POLQ: variants seen among roughly 807,000 people sequenced by gnomAD.
POLQ encodes epididymis secretory sperm binding protein.
In POLQ, 233 loss-of-function variants were observed where a neutral mutation model predicts 259.2. That is an observed-to-expected ratio of 0.90 (90% CI 0.81 to 1.00). The LOEUF is 1.00. Ranked by LOEUF, POLQ falls within the 50% of genes least tolerant of loss-of-function variation. POLQ has a pLI of 0.00. For missense variants in POLQ, 2,871 were observed against 3,051.6 expected (o/e 0.94, Z 1.39); for synonymous variants, 1,025 against 1,048.8 (o/e 0.98, Z 0.44).
chr3:121,532,665 C>A (rs1025933592), intron 6 of POLQ, among the ~76,000 whole-genome samples: 1 of 151,236 alleles, frequency 6.6e-6, no homozygotes, highest in African/African-American at 2.5e-5. Context: ...TCCCGAGTAG[C>A]TGGGATTACA....
intron 16 of POLQ, among the ~76,000 whole-genome samples, chr3:121,486,007 C>T (rs1031209433): frequency 1.6e-4 from 24 of 152,298 alleles, no homozygotes; most frequent in African/African-American, 5.3e-4. Flanking sequence ...GCAGAGCTCA[C>T]GCAATAAGAC....
At chr3:121,534,021 C>T (rs920096855) in intron 5 of POLQ, among the ~76,000 whole-genome samples, 5 of 149,610 alleles carry the variant, frequency 3.3e-5, no homozygotes, top group Non-Finnish European at 5.9e-5. Context: ...GGACTACAGG[C>T]GCCCACCACC....
At chr3:121,487,262 G>T in intron 16 of POLQ, 40 bp downstream of exon 16, 1 of 1,130,260 alleles carries the variant, frequency 8.8e-7, no homozygotes, top group Non-Finnish European at 1.2e-6. Context: ...CTACTAAGTA[G>T]TTTATAAATA....
chr3:121,449,008 C>T (rs1053644222), intron 26 of POLQ, among the ~76,000 whole-genome samples: 2 of 152,132 alleles, frequency 1.3e-5, no homozygotes, highest in Non-Finnish European at 2.9e-5. Context: ...CAATAGTTTA[C>T]TGTTTCAAAC....
At position 121,510,178 on chromosome 3, in the gene POLQ, C is replaced by A. The variant is rs1419454969; in HGVS notation, c.1677G>T (p.Leu559Phe). The A allele has an allele frequency of 1.9e-6, 3 of 1,613,870 alleles. No individual in the cohort carries two copies. Among genetic ancestry groups the A allele is most frequent in the Non-Finnish European group, 2.5e-6 (3 of 1,179,768 alleles). The change falls in exon 11 of 30, where the codon TTG becomes TTT. Residue 559 changes from leucine (L) to phenylalanine (F), a missense_variant. Physicochemically the swap from Leu to Phe is conservative, Grantham distance 22. Transcript: ENST00000264233. ...GCTTCCCTTCTTTCATACTTGCAGC[C>A]AAAAATGTGCAGGCAGCATAAGTAT... ...DMHTYAACTF[L>F]AASMKEGKQG... is the part of the protein sequence containing the mutation.
At chr3:121,532,810 G>A (rs2108818066) in intron 6 of POLQ, among the ~76,000 whole-genome samples, 180 bp downstream of exon 6, 1 of 152,308 alleles carries the variant, frequency 6.6e-6, no homozygotes, top group East Asian at 1.9e-4. Context: ...TGGGATTACA[G>A]ACGTCAGCCA....
In POLQ at chr3:121,488,179, A is replaced by G. The variant is rs1490215956; in HGVS notation, c.4752T>C (p.Thr1584=). The change falls in exon 16 of 30, where the codon ACT becomes ACC. Residue 1584 remains threonine (T), a synonymous_variant. Coordinates refer to ENST00000264233, the MANE Select transcript of POLQ (RefSeq NM_199420.4). ...GTTCTAATGCTCTAGGAGATACTACAGTATGATTCTTCTCTTGGACAGGAA... is the reference window on the plus strand; with the variant it reads ...GTTCTAATGCTCTAGGAGATACTACGGTATGATTCTTCTCTTGGACAGGAA... ...DIFPVQEKNH[T]VVSPRALELS... is the part of the protein sequence containing the mutation. 1.2e-6 allele frequency: 2 copies of G among 1,613,636 alleles called. No homozygotes were observed. Among genetic ancestry groups the G allele is most frequent in the Non-Finnish European group, 1.7e-6 (2 of 1,179,804 alleles).
intron 19 of POLQ, among the ~76,000 whole-genome samples, chr3:121,476,991 A>G (rs950920989): frequency 6.6e-6 from 1 of 152,192 alleles, no homozygotes; most frequent in Admixed American, 6.5e-5. Flanking sequence ...TCTGGATTAC[A>G]AGAGACTGTA....
chr3:121,483,264 G>T (rs2047984390), intron 18 of POLQ, 122 bp downstream of exon 18: 2 of 435,378 alleles, frequency 4.6e-6, no homozygotes, highest in Non-Finnish European at 7.6e-6. Flanking sequence ...ATTGAATAAA[G>T]AAGTGACTAC....
Position 121,496,945 on chromosome 3 carries a change from C to A in POLQ, c.2154-13G>T, listed in dbSNP as rs2048129824. On this transcript the variant is annotated splice_polypyrimidine_tract_variant and intron_variant, in intron 13 of 29. Transcript: ENST00000264233. Reference sequence around the variant, plus strand: ...ACTGGTGAAAAACCTGGGAATAAATCATCAAAAGCGTGGTAAGAGATCCTT... The same window carrying A: ...ACTGGTGAAAAACCTGGGAATAAATAATCAAAAGCGTGGTAAGAGATCCTT... The A allele has an allele frequency of 4.3e-6, 7 of 1,611,092 alleles. No homozygotes were observed. The highest frequency in any genetic ancestry group is 1.1e-5 in the South Asian group (1 of 90,102).
At chr3:121,455,310 A>C (rs13078963) in intron 25 of POLQ, among the ~76,000 whole-genome samples, 12,361 of 142,018 alleles carry the variant, frequency 0.087, 843 homozygotes, top group East Asian at 0.39. Context: ...CCCTAACATC[A>C]CAATTAAAAG....
At chr3:121,522,219 T>C (rs1295568357) in intron 7 of POLQ, 70 bp from the exon 8 acceptor site, 53 of 978,780 alleles carry the variant, frequency 5.4e-5, no homozygotes, top group Non-Finnish European at 6.8e-5. Context: ...GTCTAAATCA[T>C]AATAGAGCTA....
At chr3:121,451,103 G>C (rs1431884589) in intron 25 of POLQ, among the ~76,000 whole-genome samples, 2 of 152,150 alleles carry the variant, frequency 1.3e-5, no homozygotes, top group Non-Finnish European at 2.9e-5. Flanking sequence ...TTGTGCATTT[G>C]TCACGTAGTT....
chr3:121,510,463 G>A (rs2048246299), intron 10 of POLQ, among the ~76,000 whole-genome samples: 1 of 151,948 alleles, frequency 6.6e-6, no homozygotes, highest in African/African-American at 2.4e-5. Context: ...TGTAGTCCCA[G>A]CTACTTGGGA....
At chr3:121,532,872 T>C (rs975897731) in intron 6 of POLQ, 118 bp downstream of exon 6, 6 of 683,458 alleles carry the variant, frequency 8.8e-6, no homozygotes, top group Non-Finnish European at 1.2e-5. Flanking sequence ...TAGCTTAATA[T>C]TAATCCTAAT....
chr3:121,438,330 T>C (rs1467238965), intron 27 of POLQ, among the ~76,000 whole-genome samples: 1 of 152,224 alleles, frequency 6.6e-6, no homozygotes, highest in Non-Finnish European at 1.5e-5. Context: ...ATAATATTAA[T>C]TTTCACAAAC....
chr3:121,538,524 T>G (rs954935784), intron 4 of POLQ, among the ~76,000 whole-genome samples: 1 of 148,278 alleles, frequency 6.7e-6, no homozygotes, highest in Non-Finnish European at 1.5e-5. Context: ...TTCCTATCAA[T>G]AAGCTGTCTC....
At chr3:121,485,832 A>C (rs58881799) in intron 16 of POLQ, among the ~76,000 whole-genome samples, 2,126 of 152,338 alleles carry the variant, frequency 0.014, 52 homozygotes, top group African/African-American at 0.048. Flanking sequence ...TCAACACTAA[A>C]AGTACATAAA....
chr3:121,452,475 T>C (rs73191798), intron 25 of POLQ, among the ~76,000 whole-genome samples: 5,457 of 144,058 alleles, frequency 0.038, 145 homozygotes, highest in Middle Eastern at 0.086. Context: ...TTTTCACCTT[T>C]TTTTTGTTGT....
Sources: allele counts gnomAD v4.1 joint callset (sites outside exome capture counted in the v4.1 genomes callset), GRCh38; gene constraint gnomAD v4.1.1; transcripts MANE v1.5; gene names NCBI Gene and HGNC (gene_info 2026-07-23, HGNC 2026-07-21).